CNTN5: variants seen among roughly 807,000 people sequenced by gnomAD.
CNTN5 encodes contactin-5.
Under a neutral mutation model 129.1 loss-of-function variants are expected in CNTN5, and 77 were observed. That is an observed-to-expected ratio of 0.60 (90% CI 0.50 to 0.72). The LOEUF (loss-of-function observed/expected upper bound fraction) is 0.72. Among genes scored for constraint, CNTN5 ranks in the 30% least tolerant of loss-of-function variants. CNTN5 has a pLI of 0.00. For missense variants in CNTN5, 1,478 were observed against 1,328.8 expected, an observed-to-expected ratio of 1.11 and a Z score of -1.75; for synonymous variants, 509 against 465.6, an observed-to-expected ratio of 1.09 and a Z score of -1.20.
intron 13 of CNTN5, among the ~76,000 whole-genome samples, chr11:100,144,220 T>C (rs1946781200): frequency 6.6e-6 from 1 of 151,992 alleles, no homozygotes. Flanking sequence ...AGTTTTTTTA[T>C]TTTATTTTTT....
At chr11:99,232,726 A>G (rs1216980842) in intron 1 of CNTN5, among the ~76,000 whole-genome samples, 1 of 152,174 alleles carries the variant, frequency 6.6e-6, no homozygotes, top group Non-Finnish European at 1.5e-5. Context: ...TTCAATTAGT[A>G]ATTGGTAACT....
intron 1 of CNTN5, among the ~76,000 whole-genome samples, chr11:99,058,879 G>A (rs188569364): frequency 6.6e-6 from 1 of 151,422 alleles, no homozygotes; most frequent in African/African-American, 2.4e-5. Context: ...GGATTGAATG[G>A]AGGTTGGGGA....
At chr11:99,222,947 C>T (rs4528296) in intron 1 of CNTN5, among the ~76,000 whole-genome samples, 144,114 of 152,210 alleles carry the variant, frequency 0.95, 68,283 homozygotes, top group East Asian at 1. Flanking sequence ...TCTTGGTCAA[C>T]GTACACTTTC....
At chr11:99,223,464 T>A (rs1860508645) in intron 1 of CNTN5, among the ~76,000 whole-genome samples, 1 of 152,312 alleles carries the variant, frequency 6.6e-6, no homozygotes, top group Non-Finnish European at 1.5e-5. Context: ...TTTCTATTTC[T>A]TTCTCTCTCT....
At chr11:99,993,221 A>G (rs1347664942) in intron 8 of CNTN5, among the ~76,000 whole-genome samples, 1 of 152,164 alleles carries the variant, frequency 6.6e-6, no homozygotes, top group Non-Finnish European at 1.5e-5. Context: ...TGCCTGGACT[A>G]TTATACTCTG....
chr11:99,271,222 T>C (rs980676415), intron 1 of CNTN5, among the ~76,000 whole-genome samples: 19 of 151,922 alleles, frequency 1.3e-4, no homozygotes, highest in African/African-American at 4.6e-4. Flanking sequence ...TGGGAGCAAT[T>C]AAGTGTGATG....
rs560453488 is a variant in CNTN5 at position 100,302,909 on chromosome 11, C to T, written c.2620+3513C>T. Among the ~76,000 whole-genome samples the T allele has an allele frequency of 4.0e-5, 6 of 151,646 alleles. No individual in the cohort carries two copies. In the East Asian group the frequency reaches 1.2e-3, roughly 30 times the overall value. On this transcript the variant is annotated intron_variant, in intron 20 of 24. Coordinates refer to ENST00000524871, the MANE Select transcript of CNTN5 (RefSeq NM_014361.4). ...TGTTTTTCAAAGAAAAAATCATTTG[C>T]AAATGTTGATGCTTGATCAATAAAT...
At chr11:99,198,095 T>C (rs1858994845) in intron 1 of CNTN5, among the ~76,000 whole-genome samples, 1 of 152,130 alleles carries the variant, frequency 6.6e-6, no homozygotes, top group Non-Finnish European at 1.5e-5. Flanking sequence ...CCCATGTCTA[T>C]CCCACTGTCT....
At chr11:99,938,333 A>G (rs1343487063) in intron 7 of CNTN5, among the ~76,000 whole-genome samples, 2 of 152,126 alleles carry the variant, frequency 1.3e-5, no homozygotes, top group African/African-American at 2.4e-5. Context: ...AAGATAAACA[A>G]TAATATTATT....
rs1941958380 is a variant in CNTN5 at position 99,404,051 on chromosome 11, A to G, written c.-71+78567A>G. ...CTGGGTGCTCTAGTATCGGGTGCAT[A>G]TATATTTAAAATTTTTATATCCTCT... On this transcript the variant is annotated intron_variant, in intron 2 of 24. Transcript: ENST00000524871. Among the ~76,000 whole-genome samples, 3 of 152,080 alleles carry G rather than the reference A, an allele frequency of 2.0e-5. No homozygotes were observed. In the South Asian group the frequency reaches 6.2e-4, roughly 32 times the overall value.
intron 13 of CNTN5, among the ~76,000 whole-genome samples, chr11:100,175,638 C>G (rs1221421178): frequency 6.6e-6 from 1 of 152,036 alleles, no homozygotes; most frequent in African/African-American, 2.4e-5. Context: ...AAATATGTAA[C>G]AAATCAAAGA....
At chr11:99,056,979 T>C (rs1342797666) in intron 1 of CNTN5, among the ~76,000 whole-genome samples, 1 of 152,052 alleles carries the variant, frequency 6.6e-6, no homozygotes, top group African/African-American at 2.4e-5. Flanking sequence ...TTTCTCTTTG[T>C]TCTCAACTCA....
intron 2 of CNTN5, among the ~76,000 whole-genome samples, chr11:99,365,526 A>G (rs966128424): frequency 1.2e-4 from 18 of 152,168 alleles, no homozygotes; most frequent in African/African-American, 3.9e-4. Context: ...TAAAGCTGGG[A>G]ATATGCTGAA....
At chr11:100,017,642 A>G (rs1001277904) in intron 9 of CNTN5, among the ~76,000 whole-genome samples, 1 of 152,046 alleles carries the variant, frequency 6.6e-6, no homozygotes, top group South Asian at 2.1e-4. Context: ...CTGAGTTAAT[A>G]AACAAAAGAT....
At chr11:99,926,161 C>G (rs897911044) in intron 7 of CNTN5, among the ~76,000 whole-genome samples, 1 of 152,152 alleles carries the variant, frequency 6.6e-6, no homozygotes, top group African/African-American at 2.4e-5. Flanking sequence ...CAAAAACCCT[C>G]TTTAAAATGC....
chr11:100,042,885 T>C (rs545454114), intron 9 of CNTN5, among the ~76,000 whole-genome samples: 7 of 152,232 alleles, frequency 4.6e-5, no homozygotes, highest in African/African-American at 1.7e-4. Flanking sequence ...TTGCATTGCT[T>C]ATTGTAGATG....
intron 13 of CNTN5, among the ~76,000 whole-genome samples, chr11:100,138,482 T>TA (rs142710593): frequency 1.3e-3 from 204 of 151,950 alleles, no homozygotes; most frequent in African/African-American, 4.3e-3. Flanking sequence ...GAGAAAAAAA[T>TA]AAATGGGTAA....
intron 2 of CNTN5, among the ~76,000 whole-genome samples, chr11:99,339,977 A>G (rs759112101): frequency 1.3e-5 from 2 of 152,182 alleles, no homozygotes; most frequent in Non-Finnish European, 2.9e-5. Context: ...GTAAGGGTAT[A>G]TATAGCAAGC....
intron 3 of CNTN5, among the ~76,000 whole-genome samples, chr11:99,761,002 A>G (rs1409677929): frequency 1.3e-5 from 2 of 152,156 alleles, no homozygotes; most frequent in Non-Finnish European, 2.9e-5. Context: ...TCATTGTCTC[A>G]TAGTTCTTGA....
Sources: gnomAD v4.1 joint callset for allele counts (sites outside exome capture counted in the v4.1 genomes callset) on GRCh38, gnomAD v4.1.1 for gene constraint, MANE v1.5 for transcripts, NCBI Gene and HGNC (gene_info 2026-07-23, HGNC 2026-07-21) for gene names.